The following UBE2H variants were observed in gnomAD, a reference collection of about 807,000 sequenced individuals.
The protein encoded by UBE2H is ubiquitin conjugating enzyme E2 H.
A neutral mutation model predicts 29.0 loss-of-function variants in UBE2H; 3 were observed. That is an observed-to-expected ratio of 0.10 (90% CI 0.05 to 0.27). The LOEUF (loss-of-function observed/expected upper bound fraction) is 0.27, where lower values mean the gene tolerates loss of function less well. Among genes scored for constraint, UBE2H ranks in the 10% least tolerant of loss-of-function variants. The pLI, the probability that UBE2H is intolerant of heterozygous loss-of-function variation, is 1.00. For missense variants in UBE2H, 68 were observed against 228.2 expected (o/e 0.30, Z 4.52); for synonymous variants, 69 against 82.9 (o/e 0.83, Z 0.91).
At chr7:129,855,056 T>C (rs950550767) in intron 5 of UBE2H, among the ~76,000 whole-genome samples, 41 of 152,204 alleles carry the variant, frequency 2.7e-4, no homozygotes, top group African/African-American at 9.2e-4. Flanking sequence ...ACATTTATTT[T>C]TGAGGTGATG....
rs764047658 is a variant in UBE2H, at chr7:129,835,068, G to A, written c.428-7C>T. The stretch of plus-strand genomic sequence containing the variant: ...GCGTATTTCTGGATGTACTCTGCAC[G>A]GGGTGGGAGAAAGACAACAAGGGCA... On this transcript the variant is annotated splice_region_variant and splice_polypyrimidine_tract_variant and intron_variant, in intron 6 of 6. Transcript: ENST00000355621. 47 of 1,613,790 alleles carry A rather than the reference G, an allele frequency of 2.9e-5. No homozygotes were observed. Among genetic ancestry groups the A allele is most frequent in the African/African-American group, 1.3e-5 (1 of 74,866 alleles).
chr7:129,894,316 T>C (rs1057000136), intron 1 of UBE2H, among the ~76,000 whole-genome samples: 8 of 152,188 alleles, frequency 5.3e-5, no homozygotes, highest in African/African-American at 1.9e-4. Context: ...TAGCTGGGCA[T>C]GGTGGCATGC....
chr7:129,879,979 G>T (rs1008025363), intron 2 of UBE2H, among the ~76,000 whole-genome samples: 1 of 151,616 alleles, frequency 6.6e-6, no homozygotes, highest in Non-Finnish European at 1.5e-5. Flanking sequence ...AGGCCAAAAA[G>T]AAAACAACAA....
intron 1 of UBE2H, among the ~76,000 whole-genome samples, chr7:129,910,468 G>A (rs1806910342): frequency 6.6e-6 from 1 of 152,144 alleles, no homozygotes; most frequent in South Asian, 2.1e-4. Context: ...TGGTAGGAAG[G>A]CACTACTTCT....
At chr7:129,909,862 G>C in intron 1 of UBE2H, among the ~76,000 whole-genome samples, 1 of 152,258 alleles carries the variant, frequency 6.6e-6, no homozygotes. Flanking sequence ...GCTTGAAAGA[G>C]GTGGGAGTTG....
chr7:129,893,104 T>A (rs1165384977), intron 1 of UBE2H, among the ~76,000 whole-genome samples: 4 of 152,108 alleles, frequency 2.6e-5, no homozygotes, highest in African/African-American at 9.7e-5. Flanking sequence ...TAACATACAG[T>A]TTTAAAATTT....
At chr7:129,878,973 G>A (rs1047229479) in intron 3 of UBE2H, among the ~76,000 whole-genome samples, 1 of 152,130 alleles carries the variant, frequency 6.6e-6, no homozygotes, top group Non-Finnish European at 1.5e-5. Context: ...CCTCAATGGG[G>A]GTGACAGGTA....
At chr7:129,928,942 T>C (rs1807329198) in intron 1 of UBE2H, among the ~76,000 whole-genome samples, 1 of 152,216 alleles carries the variant, frequency 6.6e-6, no homozygotes, top group African/African-American at 2.4e-5. Flanking sequence ...TTGCTTGAAA[T>C]AAAGATAACT....
intron 6 of UBE2H, among the ~76,000 whole-genome samples, chr7:129,838,642 T>C (rs1805372196): frequency 6.6e-6 from 1 of 152,016 alleles, no homozygotes; most frequent in Non-Finnish European, 1.5e-5. Context: ...GAGCTTTAGA[T>C]TTTTTTTCTT....
chr7:129,892,474 A>T (rs553327192), intron 1 of UBE2H, among the ~76,000 whole-genome samples: 2 of 150,558 alleles, frequency 1.3e-5, no homozygotes, highest in Non-Finnish European at 3.0e-5. Flanking sequence ...CTGGTCTCAA[A>T]CTCTTGACCT....
chr7:129,936,462 C>T (rs1398567073), intron 1 of UBE2H, among the ~76,000 whole-genome samples: 3 of 151,310 alleles, frequency 2.0e-5, no homozygotes, highest in East Asian at 1.9e-4. Flanking sequence ...GGCGTAGTGG[C>T]GGGCGCCTGT....
chr7:129,869,784 G>T (rs1291104971), intron 3 of UBE2H, among the ~76,000 whole-genome samples: 1 of 152,190 alleles, frequency 6.6e-6, no homozygotes, highest in East Asian at 1.9e-4. Flanking sequence ...CCTTCATGGA[G>T]TTCACATCTA....
At chr7:129,877,636 AG>A (rs905096026) in intron 3 of UBE2H, among the ~76,000 whole-genome samples, 1 of 152,250 alleles carries the variant, frequency 6.6e-6, no homozygotes, top group Admixed American at 6.5e-5. Flanking sequence ...GAAAGGCAAA[AG>A]AAACAATTAT....
intron 3 of UBE2H, among the ~76,000 whole-genome samples, chr7:129,864,474 A>C (rs547245347): frequency 6.6e-6 from 1 of 152,192 alleles, no homozygotes; most frequent in Non-Finnish European, 1.5e-5. Context: ...TTATGGCAAC[A>C]TAAGTAGAAG....
intron 6 of UBE2H, among the ~76,000 whole-genome samples, chr7:129,835,999 A>T (rs1387958561): frequency 2.6e-4 from 40 of 152,228 alleles, no homozygotes; most frequent in African/African-American, 8.9e-4. Flanking sequence ...TGTCTTAAAA[A>T]ATAATAAACA....
At chr7:129,914,783 T>C (rs2116455765) in intron 1 of UBE2H, among the ~76,000 whole-genome samples, 1 of 152,280 alleles carries the variant, frequency 6.6e-6, no homozygotes, top group East Asian at 1.9e-4. Flanking sequence ...GAGTCAAAGC[T>C]CCCGAGTTAT....
intron 1 of UBE2H, among the ~76,000 whole-genome samples, chr7:129,901,178 T>C (rs1199015042): frequency 2.0e-5 from 3 of 152,268 alleles, no homozygotes; most frequent in African/African-American, 7.2e-5. Flanking sequence ...TCAACATGTT[T>C]AAACACATCA....
intron 1 of UBE2H, among the ~76,000 whole-genome samples, chr7:129,933,397 A>G (rs1424155627): frequency 6.6e-6 from 1 of 152,240 alleles, no homozygotes; most frequent in Non-Finnish European, 1.5e-5. Flanking sequence ...AAAAAGCTCC[A>G]TAATTTGGAT....
intron 1 of UBE2H, among the ~76,000 whole-genome samples, chr7:129,893,758 C>T (rs547832371): frequency 6.6e-6 from 1 of 152,260 alleles, no homozygotes; most frequent in African/African-American, 2.4e-5. Context: ...TGCTTACTTG[C>T]AACTGAAAAT....
Sources: allele counts gnomAD v4.1 joint callset (sites outside exome capture counted in the v4.1 genomes callset), GRCh38; gene constraint gnomAD v4.1.1; transcripts MANE v1.5; gene names NCBI Gene and HGNC (gene_info 2026-07-23, HGNC 2026-07-21).